PPP2R5E: variants seen among roughly 807,000 people sequenced by gnomAD.
The protein encoded by PPP2R5E is serine/threonine-protein phosphatase 2A 56 kDa regulatory subunit epsilon isoform.
In PPP2R5E, 4 loss-of-function variants were observed where a neutral mutation model predicts 65.3. That is an observed-to-expected ratio of 0.06 (90% CI 0.03 to 0.14). The LOEUF is 0.14. Among genes scored for constraint, PPP2R5E ranks in the 10% least tolerant of loss-of-function variants. PPP2R5E has a pLI of 1.00. For synonymous variants in PPP2R5E, 183 were observed against 187.4 expected (o/e 0.98, Z 0.19); for missense variants, 274 against 556.1 (o/e 0.49, Z 5.10).
chr14:63,483,492 C>T (rs931077529), intron 2 of PPP2R5E, among the ~76,000 whole-genome samples: 1 of 152,142 alleles, frequency 6.6e-6, no homozygotes, highest in South Asian at 2.1e-4. Flanking sequence ...ATAAATAGCC[C>T]GTGCAGAAAG....
chr14:63,412,166 C>T (rs1886425185), intron 5 of PPP2R5E, among the ~76,000 whole-genome samples: 1 of 152,130 alleles, frequency 6.6e-6, no homozygotes, highest in Non-Finnish European at 1.5e-5. Flanking sequence ...TGTGTAACAA[C>T]CAACAATAAG....
chr14:63,384,385 G>A (rs970467925), intron 12 of PPP2R5E, 59 bp downstream of exon 12: 35 of 1,561,650 alleles, frequency 2.2e-5, no homozygotes, highest in Admixed American at 3.4e-5. Flanking sequence ...TAATAAGGCT[G>A]AAGGGAAAGA....
At chr14:63,447,341 G>GCTTCTA (rs1304886829) in intron 3 of PPP2R5E, among the ~76,000 whole-genome samples, 7 of 152,222 alleles carry the variant, frequency 4.6e-5, no homozygotes, top group Non-Finnish European at 1.0e-4. Flanking sequence ...GGCAGCTTTA[G>GCTTCTA]CTTCTACAAC....
intron 3 of PPP2R5E, among the ~76,000 whole-genome samples, chr14:63,437,851 G>A (rs1195030089): frequency 2.0e-5 from 3 of 152,028 alleles, no homozygotes; most frequent in Non-Finnish European, 2.9e-5. Flanking sequence ...ATTATAACCA[G>A]CCTGATTTTT....
chr14:63,526,080 G>A (rs542782493), intron 2 of PPP2R5E, among the ~76,000 whole-genome samples: 2 of 151,942 alleles, frequency 1.3e-5, no homozygotes, highest in African/African-American at 4.8e-5. Flanking sequence ...GGCTGGTCTC[G>A]AACTCCTGAC....
intron 2 of PPP2R5E, among the ~76,000 whole-genome samples, chr14:63,527,607 T>C (rs1434596673): frequency 2.0e-5 from 3 of 152,142 alleles, no homozygotes; most frequent in Non-Finnish European, 4.4e-5. Flanking sequence ...TCTATTACTC[T>C]CCCAGTTTTA....
At chr14:63,478,182 C>T (rs1484594513) in intron 2 of PPP2R5E, among the ~76,000 whole-genome samples, 2 of 152,208 alleles carry the variant, frequency 1.3e-5, no homozygotes, top group Non-Finnish European at 2.9e-5. Flanking sequence ...ACTTGGGACA[C>T]ATCGAATGAC....
chr14:63,506,445 C>G (rs1469073546), intron 2 of PPP2R5E, among the ~76,000 whole-genome samples: 2 of 151,738 alleles, frequency 1.3e-5, no homozygotes, highest in Non-Finnish European at 2.9e-5. Context: ...AGCAAGACTC[C>G]GTCTCAAAAA....
At chr14:63,533,516 G>A (rs983497770) in intron 2 of PPP2R5E, among the ~76,000 whole-genome samples, 3 of 152,178 alleles carry the variant, frequency 2.0e-5, no homozygotes, top group South Asian at 2.1e-4. Context: ...AGCCGAGATC[G>A]CACCATTACA....
At chr14:63,529,410 G>A (rs1893316949) in intron 2 of PPP2R5E, among the ~76,000 whole-genome samples, 1 of 145,350 alleles carries the variant, frequency 6.9e-6, no homozygotes, top group Admixed American at 7.0e-5. Context: ...GCCCAGGCTG[G>A]AGTGCAGTGG....
rs80245799 is a variant in PPP2R5E at position 63,494,546 on chromosome 14, T to TAA, written c.158-40663_158-40662dup. ...CACCGCGCCCGGCTGTACAGCCATTTAAAAAAAAAAAAAAGACAACCAAAA... is the reference window on the plus strand; with the variant it reads ...CACCGCGCCCGGCTGTACAGCCATTTAAAAAAAAAAAAAAAAGACAACCAAAA... On this transcript the variant is annotated intron_variant, in intron 2 of 13. Coordinates refer to ENST00000337537, the MANE Select transcript of PPP2R5E (RefSeq NM_006246.5). 5.0e-4 allele frequency among the ~76,000 whole-genome samples: 71 copies of TAA among 141,912 alleles called. 1 individual carries two copies. The highest frequency in any genetic ancestry group is 1.3e-3 in the South Asian group (6 of 4,456). The allele number at this position is 141,912 out of a possible 152,430, so 93.1% of individuals were successfully genotyped here.
At chr14:63,501,540 A>G (rs2139668991) in intron 2 of PPP2R5E, among the ~76,000 whole-genome samples, 1 of 152,340 alleles carries the variant, frequency 6.6e-6, no homozygotes, top group East Asian at 1.9e-4. Context: ...GATTGCCTGC[A>G]GCTGGAGAGA....
intron 5 of PPP2R5E, among the ~76,000 whole-genome samples, chr14:63,412,090 T>C (rs1886421567): frequency 6.6e-6 from 1 of 152,144 alleles, no homozygotes; most frequent in Non-Finnish European, 1.5e-5. Context: ...AAGGTAGATA[T>C]GAATAAGGGA....
intron 5 of PPP2R5E, among the ~76,000 whole-genome samples, chr14:63,405,999 A>C (rs1246765742): frequency 6.6e-6 from 1 of 152,256 alleles, no homozygotes; most frequent in African/African-American, 2.4e-5. Context: ...GCTACAGGTT[A>C]TGTAAATCTA....
At chr14:63,381,908 G>T in intron 13 of PPP2R5E, 148 bp downstream of exon 13, 1 of 599,706 alleles carries the variant, frequency 1.7e-6, no homozygotes, top group East Asian at 2.8e-5. Flanking sequence ...GCATTTCTCA[G>T]AACATATACT....
intron 2 of PPP2R5E, among the ~76,000 whole-genome samples, chr14:63,502,649 A>C (rs1323645819): frequency 6.6e-6 from 1 of 152,184 alleles, no homozygotes; most frequent in Non-Finnish European, 1.5e-5. Flanking sequence ...TCTGGGTGAC[A>C]GAGCAAGACT....
chr14:63,492,491 T>G (rs1450025980), intron 2 of PPP2R5E, among the ~76,000 whole-genome samples: 1 of 152,110 alleles, frequency 6.6e-6, no homozygotes, highest in East Asian at 1.9e-4. Context: ...TTATAAAAAT[T>G]TTTAAAGGGT....
intron 2 of PPP2R5E, among the ~76,000 whole-genome samples, chr14:63,490,230 T>C (rs977442699): frequency 6.6e-6 from 1 of 152,016 alleles, no homozygotes; most frequent in Non-Finnish European, 1.5e-5. Flanking sequence ...GCTAACCATA[T>C]GCAGAACGAA....
intron 2 of PPP2R5E, among the ~76,000 whole-genome samples, chr14:63,473,091 GA>G (rs1890210525): frequency 6.6e-6 from 1 of 152,194 alleles, no homozygotes; most frequent in Non-Finnish European, 1.5e-5. Flanking sequence ...AGATATAACA[GA>G]AAGGAAAGAT....
Sources: gnomAD v4.1 joint callset for allele counts (sites outside exome capture counted in the v4.1 genomes callset) on GRCh38, gnomAD v4.1.1 for gene constraint, MANE v1.5 for transcripts, NCBI Gene and HGNC (gene_info 2026-07-23, HGNC 2026-07-21) for gene names.